The following TNS3 variants were observed in gnomAD, a reference collection of about 807,000 sequenced individuals.
TNS3 encodes the protein tensin 3.
Under a neutral mutation model 140.9 loss-of-function variants are expected in TNS3, and 45 were observed. The ratio of observed to expected loss-of-function variants is 0.32; its 90% CI spans 0.25 to 0.41. The LOEUF (loss-of-function observed/expected upper bound fraction) is 0.41. Among genes scored for constraint, TNS3 ranks in the 10% least tolerant of loss-of-function variants. TNS3 has a pLI of 1.00. For synonymous variants in TNS3, 815 were observed against 788.4 expected (o/e 1.03, Z -0.56); for missense variants, 1,716 against 1,906.7 (o/e 0.90, Z 1.86).
At chr7:47,320,573 A>G (rs1365091585) in intron 20 of TNS3, among the ~76,000 whole-genome samples, 8 of 152,190 alleles carry the variant, frequency 5.3e-5, no homozygotes, top group Non-Finnish European at 8.8e-5. Flanking sequence ...ACAGATGGCC[A>G]TCTTCTCCCT....
At chr7:47,474,446 AAC>A (rs1408568141) in intron 4 of TNS3, among the ~76,000 whole-genome samples, 2 of 150,138 alleles carry the variant, frequency 1.3e-5, no homozygotes, top group African/African-American at 2.5e-5. Flanking sequence ...CTACACATAC[AAC>A]ACACACTGCA....
At position 47,292,895 on chromosome 7, in the gene TNS3, C is replaced by T. The variant is rs551614250; in HGVS notation, c.3783G>A (p.Thr1261=). 48 of 1,613,936 alleles carry T rather than the reference C, an allele frequency of 3.0e-5. No individual in the cohort carries two copies. The East Asian group carries it at 9.8e-4, about 33-fold the overall frequency. Residue 1261 remains threonine (T), a synonymous_variant, in exon 26 of 31, where the codon ACG becomes ACA. Transcript: ENST00000311160. ...TGATGGAATGCTGGCACACCAAGGCCGTCAGGCTCCCTGCAAAGTGGACAG... is the reference window on the plus strand; with the variant it reads ...TGATGGAATGCTGGCACACCAAGGCTGTCAGGCTCCCTGCAAAGTGGACAG... ...CSNEPYFGSL[T]ALVCQHSITP...
intron 16 of TNS3, among the ~76,000 whole-genome samples, chr7:47,393,243 T>C (rs1478736362): frequency 6.6e-6 from 1 of 152,160 alleles, no homozygotes; most frequent in East Asian, 1.9e-4. Flanking sequence ...ATAATTTACA[T>C]CTTCAAAAAA....
At chr7:47,354,167 A>G (rs1036322652) in intron 17 of TNS3, among the ~76,000 whole-genome samples, 1 of 152,186 alleles carries the variant, frequency 6.6e-6, no homozygotes, top group Non-Finnish European at 1.5e-5. Context: ...CCATGCCTAT[A>G]TATTTTTCTG....
chr7:47,434,432 C>T (rs1246216438), intron 8 of TNS3, among the ~76,000 whole-genome samples: 1 of 152,162 alleles, frequency 6.6e-6, no homozygotes, highest in Non-Finnish European at 1.5e-5. Flanking sequence ...GTGACCCCAG[C>T]CCACTGGCTA....
chr7:47,308,319 G>A (rs1448641343), intron 20 of TNS3, among the ~76,000 whole-genome samples: 3 of 152,066 alleles, frequency 2.0e-5, no homozygotes, highest in Non-Finnish European at 4.4e-5. Flanking sequence ...GTGAAGTTTG[G>A]TTTGGGTCTT....
intron 18 of TNS3, among the ~76,000 whole-genome samples, chr7:47,345,571 A>T (rs905090026): frequency 3.3e-5 from 5 of 152,216 alleles, no homozygotes; most frequent in African/African-American, 1.2e-4. Flanking sequence ...CTTGAAAAGA[A>T]ATCCCACCCA....
At chr7:47,524,041 G>A (rs189145061) in intron 2 of TNS3, among the ~76,000 whole-genome samples, 1 of 152,360 alleles carries the variant, frequency 6.6e-6, no homozygotes, top group East Asian at 1.9e-4. Flanking sequence ...ACCACCCCCA[G>A]GATTCACAGC....
intron 3 of TNS3, among the ~76,000 whole-genome samples, chr7:47,505,683 GAAAT>G (rs1798389506): frequency 6.6e-6 from 1 of 152,238 alleles, no homozygotes; most frequent in African/African-American, 2.4e-5. Flanking sequence ...TGGGAGAAAA[GAAAT>G]AGAGCTATAC....
In TNS3 at chr7:47,339,992, C is replaced by T. The variant is rs531817503; in HGVS notation, c.2650+4763G>A. ...ATATATATATATATGTATACATATGCGATCATATGCCACCTCTATGTCCTT... is the reference window on the plus strand; with the variant it reads ...ATATATATATATATGTATACATATGTGATCATATGCCACCTCTATGTCCTT... On this transcript the variant is annotated intron_variant, in intron 20 of 30. Transcript: ENST00000311160. Among the ~76,000 whole-genome samples, 10 of 137,458 alleles carry T rather than the reference C, an allele frequency of 7.3e-5. No individual in the cohort carries two copies. In the South Asian group the frequency reaches 1.6e-3, roughly 22 times the overall value. 90.2% of individuals were successfully genotyped at this position (137,458 alleles called of 152,430 possible).
rs1442556258 is a variant in TNS3, at chr7:47,302,277, A to C, written c.3458-5T>G. The C allele has an allele frequency of 6.2e-7, 1 of 1,613,068 alleles. No homozygotes were observed. On this transcript the variant is annotated splice_region_variant and splice_polypyrimidine_tract_variant and intron_variant, in intron 22 of 30. Coordinates refer to ENST00000311160, the MANE Select transcript of TNS3 (RefSeq NM_022748.12). ...CAAGTTTATCACCTGGACTATCTGT[A>C]AAGCAAAATTTAAAAACAGTGACCA...
At chr7:47,313,518 T>C (rs1451508576) in intron 20 of TNS3, among the ~76,000 whole-genome samples, 1 of 152,172 alleles carries the variant, frequency 6.6e-6, no homozygotes, top group African/African-American at 2.4e-5. Context: ...GCCCACCTTA[T>C]GGTTGGTTGG....
intron 3 of TNS3, 185 bp from the exon 4 acceptor site, chr7:47,481,326 G>T: frequency 5.1e-6 from 2 of 388,836 alleles, no homozygotes; most frequent in South Asian, 4.6e-5. Flanking sequence ...TTCACTTTTG[G>T]AAAGTCCCTG....
intron 16 of TNS3, among the ~76,000 whole-genome samples, chr7:47,377,127 T>C (rs1562657175): frequency 6.6e-6 from 1 of 152,188 alleles, no homozygotes; most frequent in Admixed American, 6.5e-5. Context: ...AATGACTCAC[T>C]TGGGGCCGTC....
At chr7:47,424,254 A>C in intron 9 of TNS3, 70 bp from the exon 10 acceptor site, 1 of 1,501,564 alleles carries the variant, frequency 6.7e-7, no homozygotes, top group East Asian at 2.3e-5. Flanking sequence ...TTGACGGGGG[A>C]TGTGTCTCAT....
chr7:47,415,318 C>A (rs936194703), intron 10 of TNS3, 112 bp from the exon 11 acceptor site: 3 of 694,414 alleles, frequency 4.3e-6, no homozygotes, highest in Admixed American at 6.3e-5. Context: ...GGGAGAGAAT[C>A]GGTCCACTGC....
intron 20 of TNS3, among the ~76,000 whole-genome samples, chr7:47,319,917 C>A (rs183377372): frequency 9.2e-5 from 14 of 152,262 alleles, no homozygotes; most frequent in Admixed American, 4.6e-4. Context: ...GCCATCTTCA[C>A]CCAGTATTTC....
At chr7:47,491,206 C>A (rs1332123403) in intron 3 of TNS3, among the ~76,000 whole-genome samples, 1 of 152,184 alleles carries the variant, frequency 6.6e-6, no homozygotes, top group Non-Finnish European at 1.5e-5. Context: ...TGAACATGCA[C>A]GGTATGTGGT....
At chr7:47,425,139 T>A (rs1794580694) in intron 9 of TNS3, among the ~76,000 whole-genome samples, 1 of 152,018 alleles carries the variant, frequency 6.6e-6, no homozygotes, top group African/African-American at 2.4e-5. Context: ...GTCAACAGGG[T>A]GAAATCCCAG....
Sources: allele counts gnomAD v4.1 joint callset (sites outside exome capture counted in the v4.1 genomes callset), GRCh38; gene constraint gnomAD v4.1.1; transcripts MANE v1.5; gene names NCBI Gene and HGNC (gene_info 2026-07-23, HGNC 2026-07-21).